ACTN1: variants seen among roughly 807,000 people sequenced by gnomAD.
The protein encoded by ACTN1 is actinin alpha 1, also known as alpha-actinin-1.
In ACTN1, 30 loss-of-function variants were observed where a neutral mutation model predicts 119.6. That is an observed-to-expected ratio of 0.25 (90% confidence interval 0.19 to 0.34). The LOEUF (loss-of-function observed/expected upper bound fraction) is 0.34. Among genes scored for constraint, ACTN1 ranks in the 10% least tolerant of loss-of-function variants. The pLI is 1.00. For synonymous variants in ACTN1, 429 were observed against 472.6 expected (o/e 0.91, Z 1.20); for missense variants, 764 against 1,223.4 (o/e 0.62, Z 5.60).
intron 11 of ACTN1, among the ~76,000 whole-genome samples, chr14:68,889,472 C>T (rs536592317): frequency 1.7e-4 from 26 of 152,346 alleles, no homozygotes; most frequent in African/African-American, 4.8e-4. Context: ...TATTTGGAAA[C>T]AGGCTCTTTG....
intron 1 of ACTN1, among the ~76,000 whole-genome samples, chr14:68,926,733 A>C (rs17106608): frequency 0.021 from 3,249 of 152,214 alleles, 123 homozygotes; most frequent in African/African-American, 0.073. Flanking sequence ...ACTCTTCCTC[A>C]TGGGAAAGGT....
At chr14:68,886,065 C>T (rs1566598484) in intron 11 of ACTN1, 1 of 153,606 alleles carries the variant, frequency 6.5e-6, no homozygotes, top group Admixed American at 6.4e-5. Context: ...CTTCTCTGAC[C>T]CTCAGACACA....
At position 68,878,763 on chromosome 14, in the gene ACTN1, C is replaced by T. The variant is rs762785540; in HGVS notation, c.2361+226G>A. Reference sequence around the variant, plus strand: ...AAAAATCCACCCATGGGATGAAGAGCAGCGAGGACGGAAGACAGCGGGCAC... The same window carrying T: ...AAAAATCCACCCATGGGATGAAGAGTAGCGAGGACGGAAGACAGCGGGCAC... On this transcript the variant is annotated intron_variant, in intron 19 of 21. Transcript: ENST00000394419. This position sits in a 1 kb window ranked among gnomAD's most constrained non-coding sequence, Gnocchi z 4.4. The T allele has an allele frequency of 6.5e-6, 10 of 1,546,970 alleles. No homozygotes were observed. In the Admixed American group the frequency reaches 1.2e-4, roughly 18 times the overall value.
intron 1 of ACTN1, among the ~76,000 whole-genome samples, chr14:68,968,466 G>A (rs1329789947): frequency 6.6e-6 from 1 of 152,184 alleles, no homozygotes; most frequent in Non-Finnish European, 1.5e-5. Flanking sequence ...GATGCATTGG[G>A]TATGACCCCA....
chr14:68,899,007 CCT>C (rs2033085611), intron 8 of ACTN1, among the ~76,000 whole-genome samples: 1 of 147,214 alleles, frequency 6.8e-6, no homozygotes, highest in Admixed American at 6.7e-5. Context: ...ACACCCTACA[CCT>C]CACACCCACA....
chr14:68,911,656 T>G (rs776476385), intron 4 of ACTN1, among the ~76,000 whole-genome samples: 15 of 152,262 alleles, frequency 9.9e-5, no homozygotes, highest in Non-Finnish European at 1.9e-4. Flanking sequence ...CAAATATTAT[T>G]ATGCAAGATA....
chr14:68,889,574 C>T (rs576531245), intron 11 of ACTN1, among the ~76,000 whole-genome samples: 93 of 152,332 alleles, frequency 6.1e-4, no homozygotes, highest in African/African-American at 2.2e-3. Flanking sequence ...GCAGATGGAT[C>T]ACCTGAGATC....
chr14:68,883,079 G>A (rs1334376011), intron 14 of ACTN1, 24 bp from the exon 15 acceptor site: 8 of 1,610,378 alleles, frequency 5.0e-6, no homozygotes, highest in Non-Finnish European at 6.8e-6. Context: ...GGAATATGTG[G>A]GCAAGAGGAA....
Position 68,955,365 on chromosome 14 carries a change from T to G in ACTN1, c.105+23587A>C, listed in dbSNP as rs1271691437. Among the ~76,000 whole-genome samples, 4 of 152,062 alleles carry G rather than the reference T, an allele frequency of 2.6e-5. No individual in the cohort carries two copies. In the East Asian group the frequency reaches 7.7e-4, roughly 29 times the overall value. On this transcript the variant is annotated intron_variant, in intron 1 of 21. Coordinates refer to ENST00000394419, the MANE Select transcript of ACTN1 (RefSeq NM_001130004.2). ...ACCCCCAGGCTGAAATGATCCAGTCTCATGACAATGACTAGGCGCTCACCG... is the reference window on the plus strand; with the variant it reads ...ACCCCCAGGCTGAAATGATCCAGTCGCATGACAATGACTAGGCGCTCACCG...
chr14:68,975,477 C>A (rs1342283997), intron 1 of ACTN1, among the ~76,000 whole-genome samples: 1 of 152,094 alleles, frequency 6.6e-6, no homozygotes, highest in Non-Finnish European at 1.5e-5. Context: ...GAGGAACTTG[C>A]CCAAGGTCAC....
intron 3 of ACTN1, among the ~76,000 whole-genome samples, chr14:68,913,204 G>A (rs1265471422): frequency 6.6e-6 from 1 of 152,154 alleles, no homozygotes; most frequent in Non-Finnish European, 1.5e-5. Context: ...CAGGCCTAAT[G>A]GCAGGGAATA....
rs376607518 is a variant in ACTN1 at position 68,882,636 on chromosome 14, T to C, written c.1819-44A>G. 18 of 1,610,888 alleles carry C rather than the reference T, an allele frequency of 1.1e-5. No homozygotes were observed. The highest frequency in any genetic ancestry group is 1.0e-5 in the Non-Finnish European group (12 of 1,178,020). On this transcript the variant is annotated intron_variant, in intron 15 of 21. Coordinates refer to ENST00000394419, the MANE Select transcript of ACTN1 (RefSeq NM_001130004.2). This position sits in a 1 kb window ranked among gnomAD's most constrained non-coding sequence, Gnocchi z 4.5. ...GGCGACTTTCAGGATGGGTCAGCCATCTGTCCATGTGCCAGATGAGGAAAT... is the reference window on the plus strand; with the variant it reads ...GGCGACTTTCAGGATGGGTCAGCCACCTGTCCATGTGCCAGATGAGGAAAT...
At chr14:68,890,058 A>C in intron 11 of ACTN1, 81 bp downstream of exon 11, 1 of 1,546,118 alleles carries the variant, frequency 6.5e-7, no homozygotes, top group East Asian at 2.4e-5. Flanking sequence ...AAAAGCAAAG[A>C]ATAGCATAGT....
chr14:68,967,795 G>T (rs1280919823), intron 1 of ACTN1, among the ~76,000 whole-genome samples: 1 of 152,230 alleles, frequency 6.6e-6, no homozygotes, highest in Non-Finnish European at 1.5e-5. Flanking sequence ...TCCTGGCGGA[G>T]TGGGGCTCAT....
intron 1 of ACTN1, among the ~76,000 whole-genome samples, chr14:68,934,050 A>C (rs2140445728): frequency 6.6e-6 from 1 of 152,338 alleles, no homozygotes; most frequent in Non-Finnish European, 1.5e-5. Flanking sequence ...ACAATATAAA[A>C]ATAAGACATC....
At chr14:68,918,422 A>G (rs963008400) in intron 3 of ACTN1, among the ~76,000 whole-genome samples, 1 of 151,160 alleles carries the variant, frequency 6.6e-6, no homozygotes, top group Non-Finnish European at 1.5e-5. Flanking sequence ...TCTACTAAAA[A>G]TATTTAAAAA....
chr14:68,939,674 T>G (rs180957889), intron 1 of ACTN1, among the ~76,000 whole-genome samples: 15 of 152,250 alleles, frequency 9.9e-5, no homozygotes, highest in Admixed American at 7.8e-4. Context: ...CAGAATATCT[T>G]TCTAAGGTGA....
intron 1 of ACTN1, among the ~76,000 whole-genome samples, chr14:68,964,918 T>C (rs2036657524): frequency 6.6e-6 from 1 of 152,178 alleles, no homozygotes; most frequent in Admixed American, 6.5e-5. Flanking sequence ...GGCCCGCATG[T>C]GGATCACTAC....
At chr14:68,974,948 C>G (rs527578768) in intron 1 of ACTN1, among the ~76,000 whole-genome samples, 1 of 152,358 alleles carries the variant, frequency 6.6e-6, no homozygotes, top group South Asian at 2.1e-4. Flanking sequence ...TGTGACAAGT[C>G]TTTGAGCCAG....
Sources: gnomAD v4.1 joint callset for allele counts (sites outside exome capture counted in the v4.1 genomes callset) on GRCh38, gnomAD v4.1.1 for gene constraint, Gnocchi (gnomAD v3.1) non-coding constraint, MANE v1.5 for transcripts, NCBI Gene and HGNC (gene_info 2026-07-23, HGNC 2026-07-21) for gene names.